SERPINE2: variants seen among roughly 807,000 people sequenced by gnomAD.
SERPINE2 encodes the protein serpin family E member 2.
SERPINE2 carries 14 observed loss-of-function variants against 36.3 expected under a neutral mutation model. The observed-to-expected ratio is 0.39, with a 90% CI of 0.25 to 0.60. The LOEUF is 0.60. Among genes scored for constraint, SERPINE2 ranks in the 20% least tolerant of loss-of-function variants. The probability of loss-of-function intolerance (pLI) is 0.57; values close to 1 mark genes in which losing one functional copy is unlikely to be tolerated. For synonymous variants in SERPINE2, 192 were observed against 191.8 expected (o/e 1.00, Z -0.01); for missense variants, 418 against 499.6 (o/e 0.84, Z 1.56).
intron 2 of SERPINE2, among the ~76,000 whole-genome samples, chr2:223,998,755 G>A (rs936070359): frequency 4.6e-5 from 7 of 152,004 alleles, no homozygotes; most frequent in Non-Finnish European, 7.4e-5. Flanking sequence ...GGATAGCTAT[G>A]AGTAGCAAGA....
At chr2:224,019,768 A>ATT (rs1559216900) in intron 1 of SERPINE2, among the ~76,000 whole-genome samples, 36 of 31,208 alleles carry the variant, frequency 1.2e-3, no homozygotes, top group Middle Eastern at 0.011. Context: ...TTTTTTTTAA[A>ATT]AAAAAAAAAA....
rs182049519 is a variant in SERPINE2 at position 224,027,980 on chromosome 2, G to A, written c.-23+11119C>T. On this transcript the variant is annotated intron_variant, in intron 1 of 8. Coordinates refer to ENST00000409304, the MANE Select transcript of SERPINE2 (RefSeq NM_001136528.2). ...TTACCCTCTAGAATGAATCTTCCTCGAGAACACAGGAGTGAATACAGAGAC... is the reference window on the plus strand; with the variant it reads ...TTACCCTCTAGAATGAATCTTCCTCAAGAACACAGGAGTGAATACAGAGAC... Among the ~76,000 whole-genome samples the A allele has an allele frequency of 5.9e-5, 9 of 152,246 alleles. No homozygotes were observed. The East Asian group carries it at 9.7e-4, about 16-fold the overall frequency.
intron 1 of SERPINE2, among the ~76,000 whole-genome samples, chr2:224,015,085 G>C (rs7560470): frequency 0.1 from 15,496 of 151,858 alleles, 923 homozygotes; most frequent in East Asian, 0.2. Flanking sequence ...TCTGCTAGGT[G>C]GGGGGAGGCC....
In SERPINE2 at chr2:223,998,124, C is replaced by T. The variant is rs757400864; in HGVS notation, c.478G>A (p.Glu160Lys). Reference protein sequence around the residue: ...CDSINAWVKNETRDMIDNLLS... With the variant: ...CDSINAWVKNKTRDMIDNLLS... ...TACTGCGGCCACTCACCCCTGGTTTCATTTTTAACCCATGCATTGATGGAA... is the reference window on the plus strand; with the variant it reads ...TACTGCGGCCACTCACCCCTGGTTTTATTTTTAACCCATGCATTGATGGAA... The change falls in exon 3 of 9, where the codon GAA becomes AAA. Residue 160 changes from glutamate (E) to lysine (K), a missense_variant. By Grantham distance (56) the Glu-to-Lys change is moderately conservative. Coordinates refer to ENST00000409304, the MANE Select transcript of SERPINE2 (RefSeq NM_001136528.2). 9.9e-6 allele frequency: 16 copies of T among 1,613,814 alleles called. No individual in the cohort carries two copies. Among genetic ancestry groups the T allele is most frequent in the African/African-American group, 4.0e-5 (3 of 74,914 alleles).
At chr2:223,983,166 C>T (rs1690287844) in intron 5 of SERPINE2, among the ~76,000 whole-genome samples, 3 of 152,214 alleles carry the variant, frequency 2.0e-5, no homozygotes, top group South Asian at 2.1e-4. Flanking sequence ...TAAAGTTCTC[C>T]ATATCCATCT....
chr2:224,000,555 C>T (rs149990230), intron 2 of SERPINE2, among the ~76,000 whole-genome samples: 50 of 152,270 alleles, frequency 3.3e-4, no homozygotes, highest in African/African-American at 1.0e-3. Flanking sequence ...CTCTGGGATA[C>T]ATGTGCAGAA....
At position 223,991,868 on chromosome 2, in the gene SERPINE2, A is replaced by G. The variant is rs1469604205; in HGVS notation, c.620T>C (p.Phe207Ser). Residue 207 changes from phenylalanine (F) to serine (S), a missense_variant, in exon 4 of 9, where the codon TTC becomes TCC. By Grantham distance (155) the Phe-to-Ser change is radical (BLOSUM62 -2). Coordinates refer to ENST00000409304, the MANE Select transcript of SERPINE2 (RefSeq NM_001136528.2). ...ATAGGATTTCCCGTCGGCTGCCACG[A>G]AAGTGCGTTTCTTTGTGTTCTCGGG... is the stretch of plus-strand genomic sequence containing the variant. The part of the protein sequence containing the change: ...FQPENTKKRT[F>S]VAADGKSYQV... The G allele has an allele frequency of 4.3e-6, 7 of 1,613,430 alleles. No homozygotes were observed. The highest frequency in any genetic ancestry group is 1.1e-5 in the South Asian group (1 of 90,940).
intron 6 of SERPINE2, 163 bp from the exon 7 acceptor site, chr2:223,980,560 G>T: frequency 1.7e-6 from 1 of 600,054 alleles, no homozygotes. Context: ...GCAGACAGCT[G>T]TTACTTGTGA....
intron 8 of SERPINE2, among the ~76,000 whole-genome samples, chr2:223,976,646 CAAG>C (rs1404045280): frequency 6.6e-6 from 1 of 152,224 alleles, no homozygotes; most frequent in Non-Finnish European, 1.5e-5. Flanking sequence ...CTTGTACCAA[CAAG>C]AAGCCAACCT....
chr2:224,014,439 C>A (rs769902598), intron 1 of SERPINE2, among the ~76,000 whole-genome samples: 1 of 152,172 alleles, frequency 6.6e-6, no homozygotes, highest in Non-Finnish European at 1.5e-5. Flanking sequence ...GGTATCAATG[C>A]AGTCATTGCA....
chr2:224,010,059 G>T (rs1186177341), intron 1 of SERPINE2, among the ~76,000 whole-genome samples: 1 of 151,966 alleles, frequency 6.6e-6, no homozygotes. Context: ...TACCAAATCA[G>T]GTGAACAAGC....
intron 8 of SERPINE2, among the ~76,000 whole-genome samples, chr2:223,977,130 T>C (rs1367454905): frequency 6.6e-6 from 1 of 152,214 alleles, no homozygotes; most frequent in Non-Finnish European, 1.5e-5. Context: ...AAACCTCTTT[T>C]TCCTTGTAAA....
At chr2:223,977,952 G>C in intron 7 of SERPINE2, 1 of 222,398 alleles carries the variant, frequency 4.5e-6, no homozygotes, top group Non-Finnish European at 9.2e-6. Context: ...TTAGAACAGT[G>C]TTTGCCACTA....
At chr2:223,997,046 T>C (rs945961884) in intron 3 of SERPINE2, among the ~76,000 whole-genome samples, 1 of 152,096 alleles carries the variant, frequency 6.6e-6, no homozygotes, top group Non-Finnish European at 1.5e-5. Context: ...CACTGCGCTC[T>C]AGCCTAAGAG....
intron 1 of SERPINE2, among the ~76,000 whole-genome samples, chr2:224,005,065 T>TTATATATTTTTA (rs1553547022): frequency 0.066 from 2,199 of 33,072 alleles, 83 homozygotes; most frequent in Admixed American, 0.17. Context: ...TTTATATATA[T>TTATATATTTTTA]TATATATATA....
chr2:224,004,174 C>G (rs989361069), intron 1 of SERPINE2, among the ~76,000 whole-genome samples: 3 of 152,268 alleles, frequency 2.0e-5, no homozygotes, highest in African/African-American at 7.2e-5. Flanking sequence ...GTGTTTAATC[C>G]TGATCCTCAC....
At chr2:223,996,471 G>T (rs1056233434) in intron 3 of SERPINE2, among the ~76,000 whole-genome samples, 27 of 152,148 alleles carry the variant, frequency 1.8e-4, no homozygotes, top group African/African-American at 6.5e-4. Context: ...GTCACCTGGG[G>T]TCTCCTCCAC....
At chr2:224,031,395 T>C (rs1574852922) in intron 1 of SERPINE2, 6 of 985,374 alleles carry the variant, frequency 6.1e-6, no homozygotes, top group South Asian at 9.4e-5. Flanking sequence ...AGAGATTCCG[T>C]TGGGGGGAAA....
intron 1 of SERPINE2, among the ~76,000 whole-genome samples, chr2:224,028,725 G>A (rs554254993): frequency 5.3e-5 from 8 of 152,264 alleles, no homozygotes; most frequent in Middle Eastern, 3.4e-3. Context: ...AATAGTACTT[G>A]ACACACTGAT....
Sources: allele counts gnomAD v4.1 joint callset (sites outside exome capture counted in the v4.1 genomes callset), GRCh38; gene constraint gnomAD v4.1.1; transcripts MANE v1.5; gene names NCBI Gene and HGNC (gene_info 2026-07-23, HGNC 2026-07-21).